DPF3: variants seen among roughly 807,000 people sequenced by gnomAD.
DPF3 encodes the protein double PHD fingers 3, also known as zinc finger protein DPF3.
A neutral mutation model predicts 56.8 loss-of-function variants in DPF3; 18 were observed. The ratio of observed to expected loss-of-function variants is 0.32; its 90% CI spans 0.22 to 0.47. The LOEUF (loss-of-function observed/expected upper bound fraction) is 0.47. DPF3 is among the 20% of genes least tolerant of loss of function. The pLI is 1.00. For synonymous variants in DPF3, 188 were observed against 180.2 expected, an observed-to-expected ratio of 1.04 and a Z score of -0.35; for missense variants, 403 against 488.8, an observed-to-expected ratio of 0.82 and a Z score of 1.65.
At chr14:72,750,587 G>A (rs538299037) in intron 3 of DPF3, among the ~76,000 whole-genome samples, 7 of 152,014 alleles carry the variant, frequency 4.6e-5, no homozygotes, top group South Asian at 4.2e-4. Flanking sequence ...AGAACAGCCC[G>A]GTTAGACAAA....
At chr14:72,759,649 G>T (rs1890987761) in intron 2 of DPF3, among the ~76,000 whole-genome samples, 2 of 152,094 alleles carry the variant, frequency 1.3e-5, no homozygotes, top group Admixed American at 1.3e-4. Flanking sequence ...TCTGAAATTT[G>T]ATGAAAACTA....
chr14:72,628,374 AT>A (rs910944505), intron 9 of DPF3, among the ~76,000 whole-genome samples: 1 of 134,946 alleles, frequency 7.4e-6, no homozygotes, highest in Non-Finnish European at 1.7e-5. Context: ...AGAATCAAGC[AT>A]TTTTTTCCTG....
chr14:72,850,112 C>T (rs1599494732), intron 1 of DPF3, among the ~76,000 whole-genome samples: 1 of 151,320 alleles, frequency 6.6e-6, no homozygotes, highest in East Asian at 1.9e-4. Context: ...GAGAGAAACT[C>T]CATCTAAAAA....
At chr14:72,814,355 G>A (rs750183325) in intron 1 of DPF3, among the ~76,000 whole-genome samples, 18 of 152,298 alleles carry the variant, frequency 1.2e-4, no homozygotes, top group South Asian at 2.1e-4. Context: ...GAGAGCGAGA[G>A]AGAGAGTCCA....
chr14:72,836,312 C>G (rs910599082), intron 1 of DPF3: 2 of 985,548 alleles, frequency 2.0e-6, no homozygotes, highest in African/African-American at 3.5e-5. Flanking sequence ...CCAGGGCAAC[C>G]CTGGATAATA....
At chr14:72,685,638 C>T (rs994124804) in intron 7 of DPF3, among the ~76,000 whole-genome samples, 5 of 152,248 alleles carry the variant, frequency 3.3e-5, no homozygotes, top group African/African-American at 1.2e-4. Context: ...CTTTGTGTGC[C>T]TTGCTGTCCT....
intron 7 of DPF3, among the ~76,000 whole-genome samples, chr14:72,682,701 A>C (rs1887212852): frequency 2.6e-5 from 4 of 152,158 alleles, no homozygotes. Context: ...TCTGCTTTAG[A>C]CCTGAGGATT....
chr14:72,869,773 C>T (rs1375761277), intron 1 of DPF3, among the ~76,000 whole-genome samples: 2 of 152,144 alleles, frequency 1.3e-5, no homozygotes, highest in Non-Finnish European at 2.9e-5. Flanking sequence ...ACTATCAGGA[C>T]TCAGAGAGAG....
chr14:72,650,442 G>A (rs1885875364), intron 8 of DPF3, among the ~76,000 whole-genome samples: 1 of 152,204 alleles, frequency 6.6e-6, no homozygotes, highest in South Asian at 2.1e-4. Flanking sequence ...ACTCAGCCAC[G>A]AGTCCACAGA....
intron 2 of DPF3, among the ~76,000 whole-genome samples, chr14:72,763,560 A>C (rs572128771): frequency 6.6e-6 from 1 of 152,302 alleles, no homozygotes; most frequent in Admixed American, 6.5e-5. Flanking sequence ...AAACTAATGC[A>C]TACTTTGTAC....
chr14:72,775,442 T>C (rs1367923360), intron 1 of DPF3, among the ~76,000 whole-genome samples: 3 of 152,120 alleles, frequency 2.0e-5, no homozygotes, highest in Admixed American at 1.3e-4. Context: ...CAAAGTGAGG[T>C]TGGCCAACAC....
At chr14:72,645,444 C>T (rs1452643958) in intron 8 of DPF3, among the ~76,000 whole-genome samples, 1 of 152,062 alleles carries the variant, frequency 6.6e-6, no homozygotes, top group Non-Finnish European at 1.5e-5. Context: ...ACCTGCCTCC[C>T]CCAGTAGCTG....
chr14:72,731,688 A>C, intron 4 of DPF3, 119 bp downstream of exon 4: 2 of 1,365,390 alleles, frequency 1.5e-6, no homozygotes, highest in Non-Finnish European at 2.0e-6. Flanking sequence ...GAAACAAGGC[A>C]GTCTGAGACT....
chr14:72,874,723 G>A (rs1191566558), intron 1 of DPF3, among the ~76,000 whole-genome samples: 1 of 152,186 alleles, frequency 6.6e-6, no homozygotes, highest in Non-Finnish European at 1.5e-5. Flanking sequence ...TTTGGGCAAA[G>A]CCATTCAACA....
At chr14:72,701,546 G>A (rs1888162075) in intron 6 of DPF3, among the ~76,000 whole-genome samples, 1 of 152,202 alleles carries the variant, frequency 6.6e-6, no homozygotes, top group Non-Finnish European at 1.5e-5. Flanking sequence ...AGTCTGGGCG[G>A]GGGTCGGGGG....
chr14:72,620,278 G>A (rs1197871898), intron 9 of DPF3, among the ~76,000 whole-genome samples: 1 of 152,060 alleles, frequency 6.6e-6, no homozygotes, highest in African/African-American at 2.4e-5. Context: ...AAATTTAAAG[G>A]GATCCCTTAT....
intron 1 of DPF3, among the ~76,000 whole-genome samples, chr14:72,872,606 A>G (rs1474602973): frequency 2.0e-5 from 3 of 152,230 alleles, no homozygotes; most frequent in African/African-American, 4.8e-5. Context: ...AAGAGCCCGC[A>G]TTGCCAAGGC....
At chr14:72,662,969 A>C (rs35479556) in intron 8 of DPF3, 3 of 585,272 alleles carry the variant, frequency 5.1e-6, no homozygotes, top group Non-Finnish European at 6.4e-6. Context: ...AAGAAAGAAA[A>C]CCACCAACTA....
At chr14:72,875,708 G>A (rs558718489) in intron 1 of DPF3, among the ~76,000 whole-genome samples, 2 of 152,270 alleles carry the variant, frequency 1.3e-5, no homozygotes, top group Admixed American at 6.5e-5. Flanking sequence ...TGCAAGGAAC[G>A]AACCCTAAGG....
Sources: gnomAD v4.1 joint callset for allele counts (sites outside exome capture counted in the v4.1 genomes callset) on GRCh38, gnomAD v4.1.1 for gene constraint, MANE v1.5 for transcripts, NCBI Gene and HGNC (gene_info 2026-07-23, HGNC 2026-07-21) for gene names.